The following RUSF1 variants were observed in gnomAD, a reference collection of about 807,000 sequenced individuals.
RUSF1 encodes RUS1 family protein C16orf58.
A neutral mutation model predicts 63.0 loss-of-function variants in RUSF1; 58 were observed. That is an observed-to-expected ratio of 0.92 (90% CI 0.75 to 1.15). RUSF1 has a LOEUF of 1.15. RUSF1 is among the 50% of genes most tolerant of loss of function. The pLI is 0.00. For missense variants in RUSF1, 652 were observed against 611.0 expected (o/e 1.07, Z -0.71); for synonymous variants, 274 against 255.8 (o/e 1.07, Z -0.68).
At chr16:31,496,777 CCAGGGCACT>C in intron 6 of RUSF1, 63 bp downstream of exon 6, 1 of 1,322,942 alleles carries the variant, frequency 7.6e-7, no homozygotes. Flanking sequence ...CCTGGGCCCT[CCAGGGCACT>C]CAAGTGGCTT....
At position 31,492,259 on chromosome 16, in the gene RUSF1, G is replaced by T. The variant is rs779888912; in HGVS notation, c.1169C>A (p.Ala390Asp). The T allele has an allele frequency of 8.1e-6, 13 of 1,613,180 alleles. No individual in the cohort carries two copies. The East Asian group carries it at 2.7e-4, about 33-fold the overall frequency. Reference sequence around the variant, plus strand: ...TGGAAGGGGTCCATCTCCCTGCAGGGCCCCAAGCATCAGCCCATGTGTGGC... The same window carrying T: ...TGGAAGGGGTCCATCTCCCTGCAGGTCCCCAAGCATCAGCCCATGTGTGGC... ...RAATHGLMLGALQGDGPLPAE... is the reference protein window; with the variant it reads ...RAATHGLMLGDLQGDGPLPAE... Residue 390 changes from alanine to aspartate, a missense_variant, in exon 11 of 13, where the codon GCC becomes GAC. By Grantham distance (126) the Ala-to-Asp change is moderately radical. Coordinates refer to ENST00000327237, the MANE Select transcript of RUSF1 (RefSeq NM_022744.4).
At chr16:31,493,560 G>C (rs1162049853) in intron 8 of RUSF1, 36 bp from the exon 9 acceptor site, 1 of 1,614,142 alleles carries the variant, frequency 6.2e-7, no homozygotes, top group Non-Finnish European at 8.5e-7. Context: ...CTAGGCAGTG[G>C]GAGAGGTTGA....
rs1196200146 is a variant in RUSF1 at position 31,508,346 on chromosome 16, G to A, written c.28C>T (p.Pro10Ser). The change falls in exon 1 of 13, where the codon CCG (proline) becomes TCG (serine). Residue 10 changes from proline (P) to serine (S), a missense_variant. By Grantham distance (74) the Pro-to-Ser change is moderately conservative. Coordinates refer to ENST00000327237, the MANE Select transcript of RUSF1 (RefSeq NM_022744.4). MADDAGLET[P>S]LCSEQFGSGE... The stretch of plus-strand genomic sequence containing the variant: ...GAGCCGAACTGCTCGGAACACAGCG[G>A]GGTCTCCAAACCCGCGTCGTCAGCC... The A allele has an allele frequency of 7.7e-6, 12 of 1,552,588 alleles. No homozygotes were observed. The highest frequency in any genetic ancestry group is 4.7e-5 in the East Asian group (2 of 42,738).
chr16:31,494,575 A>G (rs989961776), intron 6 of RUSF1, among the ~76,000 whole-genome samples: 1 of 152,102 alleles, frequency 6.6e-6, no homozygotes, highest in Non-Finnish European at 1.5e-5. Flanking sequence ...CCTGGGAGAC[A>G]CAGTGATACC....
At position 31,490,638 on chromosome 16, in the gene RUSF1, G is replaced by A. The variant is rs544637169; in HGVS notation, c.*197C>T. 54 of 1,158,494 alleles carry A rather than the reference G, an allele frequency of 4.7e-5. No homozygotes were observed. The South Asian group carries it at 6.2e-4, about 13-fold the overall frequency. 71.8% of individuals were successfully genotyped at this position (1,158,494 alleles called of 1,614,324 possible). A position where few individuals can be genotyped will look rare whatever the true frequency, so the allele number is the denominator to read the frequency against. On this transcript the variant is annotated 3_prime_UTR_variant, in exon 13 of 13. Transcript: ENST00000327237. ...GGGGAAGGGGCAGTGGGGTGAGAAG[G>A]TCCTGGCTCCCCTTCTCCCGGCCTT...
chr16:31,497,001 C>T, intron 5 of RUSF1, 51 bp from the exon 6 acceptor site: 1 of 1,428,190 alleles, frequency 7.0e-7, no homozygotes, highest in African/African-American at 1.4e-5. Context: ...GTCCTGGTAA[C>T]ACAGGCACTC....
rs376267962 is a variant in RUSF1 at position 31,492,038 on chromosome 16, A to C, written c.1280T>G (p.Leu427Trp). Reference sequence around the variant, plus strand: ...CAAGAACTTTGGGAACAGCATGTCCAACACTTCGTGTGTCTCCTTGACGAC... The same window carrying C: ...CAAGAACTTTGGGAACAGCATGTCCCACACTTCGTGTGTCTCCTTGACGAC... ...WVVVKETHEV[L>W]DMLFPKFLKG... Residue 427 changes from leucine to tryptophan, a missense_variant, in exon 12 of 13, where the codon TTG (leucine) becomes TGG (tryptophan). By Grantham distance (61) the Leu-to-Trp change is moderately conservative. Coordinates refer to ENST00000327237, the MANE Select transcript of RUSF1 (RefSeq NM_022744.4). 295 of 1,614,068 alleles carry C rather than the reference A, an allele frequency of 1.8e-4. No individual in the cohort carries two copies. The highest frequency in any genetic ancestry group is 2.3e-4 in the Non-Finnish European group (274 of 1,180,022).
At chr16:31,506,814 G>A (rs754799370) in intron 2 of RUSF1, among the ~76,000 whole-genome samples, 59 of 152,092 alleles carry the variant, frequency 3.9e-4, no homozygotes, top group South Asian at 1.7e-3. Context: ...AGAGATGGGG[G>A]TCTCCCTATG....
At chr16:31,504,393 T>C (rs2082647800) in intron 2 of RUSF1, among the ~76,000 whole-genome samples, 1 of 152,106 alleles carries the variant, frequency 6.6e-6, no homozygotes, top group Non-Finnish European at 1.5e-5. Flanking sequence ...CGCTGCTTCC[T>C]GAGTAGCTGG....
chr16:31,506,699 C>T (rs555107605), intron 2 of RUSF1, among the ~76,000 whole-genome samples: 22 of 152,294 alleles, frequency 1.4e-4, no homozygotes, highest in Admixed American at 1.4e-3. Context: ...AGGAGAATCG[C>T]TTGAACCCGG....
At chr16:31,495,313 A>G (rs2082596266) in intron 6 of RUSF1, among the ~76,000 whole-genome samples, 1 of 152,114 alleles carries the variant, frequency 6.6e-6, no homozygotes, top group Non-Finnish European at 1.5e-5. Flanking sequence ...TGGGAAGGGC[A>G]TATGCTGTGG....
rs192460227 is a variant in RUSF1 at position 31,489,589 on chromosome 16, G to C, written c.*1246C>G. On this transcript the variant is annotated 3_prime_UTR_variant, in exon 13 of 13. Coordinates refer to ENST00000327237, the MANE Select transcript of RUSF1 (RefSeq NM_022744.4). ...AAAGCCAATCCTTGGCATGGCCTTT[G>C]GGACTCAAAACACAGGATCTGACTG... 1.8e-3 allele frequency: 1,077 copies of C among 587,006 alleles called. 16 individuals are homozygous for C. Among genetic ancestry groups the C allele is most frequent in the Middle Eastern group, 4.6e-4 (1 of 2,184 alleles). The allele number at this position is 587,006 out of a possible 1,614,324, so 36.4% of individuals were successfully genotyped here. A position where few individuals can be genotyped will look rare whatever the true frequency, so the allele number is the denominator to read the frequency against.
Position 31,492,067 on chromosome 16 carries a change from C to G in RUSF1, c.1251G>C (p.Trp417Cys). Residue 417 changes from tryptophan to cysteine, a missense_variant, in exon 12 of 13, where the codon TGG becomes TGC. Coordinates refer to ENST00000327237, the MANE Select transcript of RUSF1 (RefSeq NM_022744.4). Reference protein sequence around the residue: ...RVRAGPKKESWVVVKETHEVL... With the variant: ...RVRAGPKKESCVVVKETHEVL... ...CTTCGTGTGTCTCCTTGACGACGACCCAGCTCTCTTTCTTAGGACCTGGGT... is the reference window on the plus strand; with the variant it reads ...CTTCGTGTGTCTCCTTGACGACGACGCAGCTCTCTTTCTTAGGACCTGGGT... The G allele has an allele frequency of 6.2e-7, 1 of 1,614,188 alleles. No individual in the cohort carries two copies. Among genetic ancestry groups the G allele is most frequent in the East Asian group, 2.2e-5 (1 of 44,886 alleles).
chr16:31,499,503 T>C lies in RUSF1; in HGVS notation c.484A>G (p.Lys162Glu). Residue 162 changes from lysine (K) to glutamate (E), a missense_variant, in exon 4 of 13, where the codon AAG becomes GAG. Lys to Glu is a moderately conservative substitution (Grantham distance 56, BLOSUM62 1). Transcript: ENST00000327237. The part of the protein sequence containing the change: ...WKGSKLDCNA[K>E]QWRLFADILN... ...CCCGCCCCTCCTCACCTCCACTGCTTGGCATTGCAGTCCAGTTTGCTCCTG... is the reference window on the plus strand; with the variant it reads ...CCCGCCCCTCCTCACCTCCACTGCTCGGCATTGCAGTCCAGTTTGCTCCTG... 2 of 1,607,488 alleles carry C rather than the reference T, an allele frequency of 1.2e-6. No homozygotes were observed. Among genetic ancestry groups the C allele is most frequent in the Non-Finnish European group, 1.7e-6 (2 of 1,177,266 alleles).
chr16:31,503,639 C>T (rs1395179086), intron 2 of RUSF1, among the ~76,000 whole-genome samples: 2 of 152,160 alleles, frequency 1.3e-5, no homozygotes, highest in Admixed American at 6.5e-5. Context: ...TAATTGAGAG[C>T]TTCTTTTACT....
intron 2 of RUSF1, among the ~76,000 whole-genome samples, chr16:31,505,780 T>C (rs184460360): frequency 6.6e-6 from 1 of 152,276 alleles, no homozygotes; most frequent in East Asian, 1.9e-4. Context: ...TAAAAAGCCA[T>C]CCAGCAGAAC....
At chr16:31,502,889 C>T (rs549978698) in intron 2 of RUSF1, among the ~76,000 whole-genome samples, 2 of 152,264 alleles carry the variant, frequency 1.3e-5, no homozygotes, top group African/African-American at 2.4e-5. Flanking sequence ...CTCGGCCTTC[C>T]GAAGTGTTGG....
intron 2 of RUSF1, among the ~76,000 whole-genome samples, chr16:31,504,477 T>G (rs1431198656): frequency 6.6e-6 from 1 of 152,132 alleles, no homozygotes; most frequent in Non-Finnish European, 1.5e-5. Flanking sequence ...CCATGTTGGC[T>G]AGGCTGGTCT....
intron 5 of RUSF1, among the ~76,000 whole-genome samples, chr16:31,497,314 C>T (rs2082608998): frequency 6.6e-6 from 1 of 151,960 alleles, no homozygotes; most frequent in South Asian, 2.1e-4. Flanking sequence ...CATCTGCCTC[C>T]TGTAATTCCT....
Sources: allele counts gnomAD v4.1 joint callset (sites outside exome capture counted in the v4.1 genomes callset), GRCh38; gene constraint gnomAD v4.1.1; transcripts MANE v1.5; gene names NCBI Gene and HGNC (gene_info 2026-07-23, HGNC 2026-07-21).